CADPS: variants seen among roughly 807,000 people sequenced by gnomAD.
CADPS encodes the protein calcium dependent secretion activator, also known as calcium-dependent secretion activator 1.
CADPS carries 57 observed loss-of-function variants against 167.3 expected under a neutral mutation model. That is an observed-to-expected ratio of 0.34 (90% CI 0.28 to 0.42). CADPS has a LOEUF of 0.42. Ranked by LOEUF, CADPS falls within the 20% of genes least tolerant of loss-of-function variation. The pLI, the probability that CADPS is intolerant of heterozygous loss-of-function variation, is 1.00. For synonymous variants in CADPS, 676 were observed against 635.3 expected (o/e 1.06, Z -0.96); for missense variants, 1,414 against 1,738.1 (o/e 0.81, Z 3.32).
intron 3 of CADPS, among the ~76,000 whole-genome samples, chr3:62,729,150 A>T (rs1387218544): frequency 6.6e-6 from 1 of 151,812 alleles, no homozygotes; most frequent in African/African-American, 2.4e-5. Flanking sequence ...CACATTGCTG[A>T]CTCCACTACC....
At chr3:62,630,833 G>C (rs892253678) in intron 6 of CADPS, among the ~76,000 whole-genome samples, 1 of 152,042 alleles carries the variant, frequency 6.6e-6, no homozygotes, top group African/African-American at 2.4e-5. Context: ...TTTTTAACAA[G>C]GTGCTTGATG....
At chr3:62,697,777 AT>A (rs1377485928) in intron 3 of CADPS, among the ~76,000 whole-genome samples, 4 of 151,876 alleles carry the variant, frequency 2.6e-5, no homozygotes, top group African/African-American at 9.7e-5. Context: ...TATTTTTTTA[AT>A]TTTTAAATTA....
At chr3:62,570,710 C>T (rs560849312) in intron 9 of CADPS, among the ~76,000 whole-genome samples, 162 bp downstream of exon 9, 57 of 152,292 alleles carry the variant, frequency 3.7e-4, no homozygotes, top group African/African-American at 1.4e-3. Context: ...TGGAAATGTT[C>T]TGTATCCTCC....
intron 13 of CADPS, among the ~76,000 whole-genome samples, chr3:62,526,435 G>A (rs2072247695): frequency 6.6e-6 from 1 of 152,126 alleles, no homozygotes; most frequent in Non-Finnish European, 1.5e-5. Flanking sequence ...AAATAATAAT[G>A]TAAATGAGAA....
Position 62,813,058 on chromosome 3 carries a change from A to G in CADPS, c.442-47074T>C, listed in dbSNP as rs1418667756. 3.9e-5 allele frequency among the ~76,000 whole-genome samples: 6 copies of G among 152,284 alleles called. No homozygotes were observed. The East Asian group carries it at 7.7e-4, about 20-fold the overall frequency. On this transcript the variant is annotated intron_variant, in intron 1 of 29. Coordinates refer to ENST00000383710, the MANE Select transcript of CADPS (RefSeq NM_003716.4). ...ATTGCCCACAACAATCTACAGACTC[A>G]ATGCTATTTCTATCAAATTACCAAA... is the stretch of plus-strand genomic sequence containing the variant.
At chr3:62,832,391 A>C (rs1334747510) in intron 1 of CADPS, among the ~76,000 whole-genome samples, 1 of 152,254 alleles carries the variant, frequency 6.6e-6, no homozygotes, top group Non-Finnish European at 1.5e-5. Flanking sequence ...CCAAGGCCAC[A>C]CAGAATAATA....
Position 62,874,817 on chromosome 3 carries a change from G to A in CADPS, c.213C>T (p.Ser71=), listed in dbSNP as rs1391064744. The part of the protein sequence containing the change: ...AGGGGGSGAS[S]GGGAGGLQPS... ...GTTGCAGCCCCCCGGCCCCGCCGCC[G>A]CTGCTCGCGCCGCTGCCCCCGCCGC... is the stretch of plus-strand genomic sequence containing the variant. Residue 71 remains serine (S), a synonymous_variant, in exon 1 of 30, where the codon AGC becomes AGT. Transcript: ENST00000383710. The surrounding 1 kb of genome is among the most constrained non-coding windows in gnomAD (Gnocchi z 7.1). 6.2e-5 allele frequency: 67 copies of A among 1,083,496 alleles called. 1 individual carries two copies. The highest frequency in any genetic ancestry group is 7.3e-5 in the Non-Finnish European group (64 of 878,676). 67.1% of individuals were successfully genotyped at this position (1,083,496 alleles called of 1,614,324 possible). A position where few individuals can be genotyped will look rare whatever the true frequency, so the allele number is the denominator to read the frequency against.
At chr3:62,744,785 T>A (rs930856415) in intron 3 of CADPS, among the ~76,000 whole-genome samples, 3 of 152,256 alleles carry the variant, frequency 2.0e-5, no homozygotes, top group African/African-American at 7.2e-5. Flanking sequence ...GAAATGTCTA[T>A]AGCAGTTTTG....
chr3:62,568,736 A>G, intron 9 of CADPS, among the ~76,000 whole-genome samples: 1 of 152,140 alleles, frequency 6.6e-6, no homozygotes, highest in African/African-American at 2.4e-5. Flanking sequence ...TTATATACAT[A>G]TATCCTATTG....
intron 24 of CADPS, 188 bp downstream of exon 24, chr3:62,473,985 T>C (rs1459655622): frequency 2.1e-6 from 1 of 484,578 alleles, no homozygotes; most frequent in Admixed American, 3.8e-5. Context: ...GACATTCTCA[T>C]CAGCACATGC....
chr3:62,426,102 C>T (rs1404948613), intron 28 of CADPS, among the ~76,000 whole-genome samples: 1 of 152,174 alleles, frequency 6.6e-6, no homozygotes, highest in Non-Finnish European at 1.5e-5. Flanking sequence ...TTTCTCTCCG[C>T]TGCAAAGCCT....
At chr3:62,804,427 G>A (rs970908714) in intron 1 of CADPS, among the ~76,000 whole-genome samples, 3 of 152,048 alleles carry the variant, frequency 2.0e-5, no homozygotes, top group African/African-American at 7.2e-5. Context: ...TGGGTGAGAG[G>A]GGTGAGTGAC....
At chr3:62,759,052 G>A (rs150485876) in intron 2 of CADPS, among the ~76,000 whole-genome samples, 16 of 152,296 alleles carry the variant, frequency 1.1e-4, no homozygotes, top group African/African-American at 3.6e-4. Flanking sequence ...CACACACCTC[G>A]TTGCTATTAA....
intron 6 of CADPS, among the ~76,000 whole-genome samples, chr3:62,612,964 T>A (rs1174521808): frequency 6.6e-6 from 1 of 152,066 alleles, no homozygotes. Context: ...AGACAGACAA[T>A]AATCAAATAA....
intron 6 of CADPS, among the ~76,000 whole-genome samples, chr3:62,603,578 CTGTT>C (rs1194988505): frequency 2.0e-5 from 3 of 152,220 alleles, no homozygotes; most frequent in Non-Finnish European, 2.9e-5. Context: ...TTGGCAGAGT[CTGTT>C]TGCATACCTG....
In CADPS at chr3:62,399,853, T is replaced by C. The variant is rs1278779220; in HGVS notation, c.3883-268A>G. 1.3e-5 allele frequency among the ~76,000 whole-genome samples: 2 copies of C among 152,234 alleles called. No individual in the cohort carries two copies. The highest frequency in any genetic ancestry group is 2.9e-5 in the Non-Finnish European group (2 of 68,042). ...ATAAGCTTGTGTTTATTCAGTTCCA[T>C]AAAGGGAAATGTTCCATAATTGTTT... is the stretch of plus-strand genomic sequence containing the variant. On this transcript the variant is annotated intron_variant, in intron 29 of 29. Coordinates refer to ENST00000383710, the MANE Select transcript of CADPS (RefSeq NM_003716.4). This position sits in a 1 kb window ranked among gnomAD's most constrained non-coding sequence, Gnocchi z 5.6.
At chr3:62,691,118 A>T (rs2079022941) in intron 3 of CADPS, among the ~76,000 whole-genome samples, 1 of 152,018 alleles carries the variant, frequency 6.6e-6, no homozygotes, top group Admixed American at 6.6e-5. Flanking sequence ...ACACTCTGGA[A>T]AGTGCACCTA....
At chr3:62,428,296 CTTTTTTTTTTTTTTTTTTTT>C (rs34002756) in intron 28 of CADPS, among the ~76,000 whole-genome samples, 1 of 64,662 alleles carries the variant, frequency 1.5e-5, no homozygotes, top group African/African-American at 8.1e-5. Flanking sequence ...GGAAGCAAGA[CTTTTTTTTTTTTTTTTTTTT>C]TTTTTTTTTT....
intron 21 of CADPS, among the ~76,000 whole-genome samples, chr3:62,488,052 GA>G (rs2063100158): frequency 6.6e-6 from 1 of 152,162 alleles, no homozygotes; most frequent in African/African-American, 2.4e-5. Flanking sequence ...ACAATTGTTT[GA>G]AAGAAAGGCT....
Sources: allele counts gnomAD v4.1 joint callset (sites outside exome capture counted in the v4.1 genomes callset), GRCh38; gene constraint gnomAD v4.1.1; non-coding constraint Gnocchi (gnomAD v3.1); transcripts MANE v1.5; gene names NCBI Gene and HGNC (gene_info 2026-07-23, HGNC 2026-07-21).